The following AGBL1 variants were observed in gnomAD, a reference collection of about 807,000 sequenced individuals.
The protein encoded by AGBL1 is AGBL carboxypeptidase 1.
AGBL1 carries 130 observed loss-of-function variants against 118.9 expected under a neutral mutation model. That is an observed-to-expected ratio of 1.09 (90% CI 0.95 to 1.26). The LOEUF (loss-of-function observed/expected upper bound fraction) is 1.26. AGBL1 is among the 50% of genes most tolerant of loss of function. The pLI is 0.00. For synonymous variants in AGBL1, 555 were observed against 478.9 expected, an observed-to-expected ratio of 1.16 and a Z score of -2.08; for missense variants, 1,584 against 1,298.1, an observed-to-expected ratio of 1.22 and a Z score of -3.38.
At chr15:86,523,383 T>A (rs1353893651) in intron 19 of AGBL1, among the ~76,000 whole-genome samples, 1 of 152,138 alleles carries the variant, frequency 6.6e-6, no homozygotes, top group African/African-American at 2.4e-5. Flanking sequence ...AGTCATTGTA[T>A]TAGGGCTTAT....
chr15:86,753,306 G>C (rs1188388515), intron 22 of AGBL1, among the ~76,000 whole-genome samples: 1 of 151,786 alleles, frequency 6.6e-6, no homozygotes, highest in East Asian at 1.9e-4. Context: ...TTTTATGTCT[G>C]CTTCAAGGAG....
intron 22 of AGBL1, among the ~76,000 whole-genome samples, chr15:86,708,037 T>C (rs1349781119): frequency 1.3e-5 from 2 of 152,170 alleles, no homozygotes; most frequent in Admixed American, 6.6e-5. Context: ...TTTCCTTCTG[T>C]AGTCTGTAGC....
At chr15:86,524,225 A>G (rs2083230064) in intron 19 of AGBL1, among the ~76,000 whole-genome samples, 1 of 152,218 alleles carries the variant, frequency 6.6e-6, no homozygotes, top group Non-Finnish European at 1.5e-5. Flanking sequence ...ACCCTGCAAC[A>G]TAGCCTCTCT....
intron 22 of AGBL1, among the ~76,000 whole-genome samples, chr15:86,857,842 C>T (rs1162534053): frequency 1.3e-5 from 2 of 152,192 alleles, no homozygotes; most frequent in Admixed American, 1.3e-4. Context: ...TCCAGTCGGC[C>T]TGGAATCCAT....
At position 86,264,391 on chromosome 15, in the gene AGBL1, G is replaced by A; in HGVS notation, c.1220G>A (p.Arg407Lys). 6.2e-7 allele frequency: 1 copy of A among 1,613,946 alleles called. No homozygotes were observed. Among genetic ancestry groups the A allele is most frequent in the South Asian group, 1.1e-5 (1 of 91,046 alleles). ...SKDQSSCGQE[R>K]EYAVQTSLLC... ...GACCAAAGCTCCTGTGGGCAAGAAA[G>A]AGAATATGCTGTCCAGACTTCCCTT... The change falls in exon 11 of 23, where the codon AGA becomes AAA. Residue 407 changes from arginine to lysine, a missense_variant. By Grantham distance (26) the Arg-to-Lys change is conservative (BLOSUM62 2). Coordinates refer to ENST00000614907, the MANE Select transcript of AGBL1 (RefSeq NM_001386094.1).
At chr15:86,665,977 C>T (rs997279085) in intron 21 of AGBL1, among the ~76,000 whole-genome samples, 7 of 152,236 alleles carry the variant, frequency 4.6e-5, no homozygotes, top group Admixed American at 6.5e-5. Context: ...TCATCATCAT[C>T]GCGTAGAAGA....
intron 21 of AGBL1, among the ~76,000 whole-genome samples, chr15:86,660,593 A>C (rs990008073): frequency 6.6e-6 from 1 of 152,080 alleles, no homozygotes; most frequent in Non-Finnish European, 1.5e-5. Flanking sequence ...TTAAGTTCAA[A>C]GATTTGAAAA....
At chr15:86,160,036 A>G (rs1278266292) in intron 5 of AGBL1, among the ~76,000 whole-genome samples, 1 of 151,434 alleles carries the variant, frequency 6.6e-6, no homozygotes, top group African/African-American at 2.4e-5. Context: ...AAGCCAATAC[A>G]TATTGAGAAT....
In AGBL1 at chr15:86,615,303, A is replaced by C. The variant is rs2084706101; in HGVS notation, c.2995-58970A>C. 6.6e-6 allele frequency among the ~76,000 whole-genome samples: 1 copy of C among 152,170 alleles called. No homozygotes were observed. The highest frequency in any genetic ancestry group is 2.4e-5 in the African/African-American group (1 of 41,430). On this transcript the variant is annotated intron_variant, in intron 21 of 22. Transcript: ENST00000614907. The surrounding 1 kb of genome is among the most constrained non-coding windows in gnomAD (Gnocchi z 4.3). ...AACCAGCCTAGGAAAAGATGTGATG[A>C]GGGACTGTGGTAAAGACTAGAGTGG...
At chr15:86,257,789 A>G (rs542882353) in intron 8 of AGBL1, among the ~76,000 whole-genome samples, 175 bp from the exon 9 acceptor site, 1 of 152,228 alleles carries the variant, frequency 6.6e-6, no homozygotes, top group African/African-American at 2.4e-5. Context: ...TGCCTACATG[A>G]ACACCATTTA....
At chr15:86,589,423 G>A (rs1376443697) in intron 21 of AGBL1, among the ~76,000 whole-genome samples, 1 of 152,138 alleles carries the variant, frequency 6.6e-6, no homozygotes, top group Admixed American at 6.5e-5. Flanking sequence ...ATGATAAATG[G>A]TTAAATTTGT....
Position 86,827,938 on chromosome 15 carries a change from C to CTTTTTTTTTTTTTTTTTTT in AGBL1, c.3159-79147_3159-79129dup, listed in dbSNP as rs71144074. On this transcript the variant is annotated intron_variant, in intron 22 of 22. Coordinates refer to ENST00000614907, the MANE Select transcript of AGBL1 (RefSeq NM_001386094.1). ...ATAGTCTCTGGCACTTGATGTAGGG[C>CTTTTTTTTTTTTTTTTTTT]TTTTTTTTTTTTTTTTTTTTGAGAC... Among the ~76,000 whole-genome samples the CTTTTTTTTTTTTTTTTTTT allele has an allele frequency of 5.8e-3, 98 of 16,756 alleles. 33 individuals carry two copies. The highest frequency in any genetic ancestry group is 0.014 in the East Asian group (5 of 352). The allele number at this position is 16,756 out of a possible 152,430, so 11.0% of individuals were successfully genotyped here. A position where few individuals can be genotyped will look rare whatever the true frequency, so the allele number is the denominator to read the frequency against.
intron 22 of AGBL1, among the ~76,000 whole-genome samples, chr15:86,753,915 T>C (rs1307736705): frequency 6.6e-6 from 1 of 152,096 alleles, no homozygotes; most frequent in Non-Finnish European, 1.5e-5. Context: ...TAGGCATCAG[T>C]GACTTGAGAG....
intron 5 of AGBL1, among the ~76,000 whole-genome samples, chr15:86,175,966 G>A (rs11073622): frequency 0.32 from 48,433 of 152,050 alleles, 9,045 homozygotes; most frequent in Non-Finnish European, 0.42. Flanking sequence ...TTCTGTAGCT[G>A]TTTGGTGAAA....
At chr15:86,521,023 G>A (rs1445124459) in intron 18 of AGBL1, among the ~76,000 whole-genome samples, 1 of 152,156 alleles carries the variant, frequency 6.6e-6, no homozygotes, top group Non-Finnish European at 1.5e-5. Flanking sequence ...GAGAAAAAAA[G>A]CAGGCAAAGA....
At chr15:86,640,762 G>T (rs774768759) in intron 21 of AGBL1, among the ~76,000 whole-genome samples, 5 of 151,984 alleles carry the variant, frequency 3.3e-5, no homozygotes, top group Admixed American at 6.6e-5. Context: ...TAGGTCAATG[G>T]TATGACCTTT....
Position 86,745,794 on chromosome 15 carries a change from C to T in AGBL1, c.3158+71358C>T, listed in dbSNP as rs16977954. ...GGTGGCAGTTAAAACATCTTGTTAA[C>T]GCAGTAAGATCTATTTAGCTCATCT... is the stretch of plus-strand genomic sequence containing the variant. On this transcript the variant is annotated intron_variant, in intron 22 of 22. Transcript: ENST00000614907. 9.0e-3 allele frequency among the ~76,000 whole-genome samples: 1,365 copies of T among 152,150 alleles called. 23 individuals are homozygous for T. Among genetic ancestry groups the T allele is most frequent in the African/African-American group, 0.03 (1,237 of 41,530 alleles).
At chr15:86,526,020 CA>C (rs1476565130) in intron 19 of AGBL1, among the ~76,000 whole-genome samples, 1 of 151,656 alleles carries the variant, frequency 6.6e-6, no homozygotes, top group Non-Finnish European at 1.5e-5. Flanking sequence ...ATCAGCAAGA[CA>C]AAAAAGAAAT....
chr15:86,753,910 A>G (rs11635707), intron 22 of AGBL1, among the ~76,000 whole-genome samples: 29,390 of 152,082 alleles, frequency 0.19, 3,322 homozygotes, highest in Non-Finnish European at 0.26. Context: ...AGAGCTAGGC[A>G]TCAGTGACTT....
Sources: gnomAD v4.1 joint callset for allele counts (sites outside exome capture counted in the v4.1 genomes callset) on GRCh38, gnomAD v4.1.1 for gene constraint, Gnocchi (gnomAD v3.1) non-coding constraint, MANE v1.5 for transcripts, NCBI Gene and HGNC (gene_info 2026-07-23, HGNC 2026-07-21) for gene names.